Variants in KMT5B observed in about 807,000 individuals in gnomAD.
The protein encoded by KMT5B is lysine methyltransferase 5B.
KMT5B carries 10 observed loss-of-function variants against 83.2 expected under a neutral mutation model. That is an observed-to-expected ratio of 0.12 (90% confidence interval 0.07 to 0.20). KMT5B has a LOEUF of 0.20. Among genes scored for constraint, KMT5B ranks in the 10% least tolerant of loss-of-function variants. The pLI is 1.00. For missense variants in KMT5B, 753 were observed against 1,067.2 expected, an observed-to-expected ratio of 0.71 and a Z score of 4.10; for synonymous variants, 349 against 388.8, an observed-to-expected ratio of 0.90 and a Z score of 1.20.
intron 1 of KMT5B, among the ~76,000 whole-genome samples, chr11:68,198,616 G>T (rs545040653): frequency 1.3e-5 from 2 of 152,152 alleles, no homozygotes; most frequent in South Asian, 4.1e-4. Context: ...ATGTCCCCAT[G>T]GTCACGGTTT....
chr11:68,157,999 G>T lies in KMT5B; in HGVS notation c.2347C>A (p.Arg783=). ...SSTKLKIQLK[R]DEENRGSYTE... is the part of the protein sequence containing the mutation. Reference sequence around the variant, plus strand: ...TAAGACCCCCTATTTTCCTCATCTCGTTTTAGCTGGATTTTTAATTTTGTA... The same window carrying T: ...TAAGACCCCCTATTTTCCTCATCTCTTTTTAGCTGGATTTTTAATTTTGTA... The change falls in exon 11 of 11, where the codon CGA becomes AGA. Residue 783 remains arginine, a synonymous_variant. Transcript: ENST00000304363. 1 of 1,614,028 alleles carries T rather than the reference G, an allele frequency of 6.2e-7. No individual in the cohort carries two copies. The highest frequency in any genetic ancestry group is 8.5e-7 in the Non-Finnish European group (1 of 1,180,018).
At chr11:68,166,024 T>A in intron 10 of KMT5B, 2 of 1,610,884 alleles carry the variant, frequency 1.2e-6, no homozygotes, top group South Asian at 2.2e-5. Flanking sequence ...ATAATCAGTA[T>A]CTCAGAGGGC....
intron 3 of KMT5B, among the ~76,000 whole-genome samples, chr11:68,182,893 C>T (rs1196755050): frequency 1.3e-5 from 2 of 151,896 alleles, no homozygotes; most frequent in African/African-American, 2.4e-5. Context: ...TGTGCCACCA[C>T]GCCTGGCTAA....
intron 1 of KMT5B, among the ~76,000 whole-genome samples, chr11:68,208,220 G>A (rs1287235838): frequency 2.0e-5 from 3 of 151,718 alleles, no homozygotes; most frequent in South Asian, 2.1e-4. Flanking sequence ...AGGCCGAGGC[G>A]GGAGGGTCAC....
At chr11:68,183,157 A>G (rs1857109242) in intron 3 of KMT5B, among the ~76,000 whole-genome samples, 2 of 151,818 alleles carry the variant, frequency 1.3e-5, no homozygotes, top group Admixed American at 6.6e-5. Context: ...GACATTCTGA[A>G]TGCCACTAGA....
At chr11:68,177,781 G>A (rs1856521904) in intron 4 of KMT5B, among the ~76,000 whole-genome samples, 1 of 152,150 alleles carries the variant, frequency 6.6e-6, no homozygotes, top group African/African-American at 2.4e-5. Context: ...TTACTAGTCT[G>A]TCGACATATG....
At chr11:68,206,511 T>C (rs2153088986) in intron 1 of KMT5B, among the ~76,000 whole-genome samples, 2 of 152,262 alleles carry the variant, frequency 1.3e-5, no homozygotes, top group East Asian at 3.9e-4. Context: ...CGCACAGGGA[T>C]TAAGGATGTG....
At chr11:68,163,881 T>C (rs1378249615) in intron 10 of KMT5B, among the ~76,000 whole-genome samples, 1 of 152,176 alleles carries the variant, frequency 6.6e-6, no homozygotes, top group African/African-American at 2.4e-5. Flanking sequence ...AGCCTCTGCA[T>C]CTAGGACAGG....
At chr11:68,161,166 A>C (rs894602697) in intron 10 of KMT5B, among the ~76,000 whole-genome samples, 3 of 152,220 alleles carry the variant, frequency 2.0e-5, no homozygotes, top group Non-Finnish European at 4.4e-5. Context: ...TTTATTATCC[A>C]CTGGAACTAT....
chr11:68,212,864 G>A (rs1861112969), intron 1 of KMT5B: 1 of 150,772 alleles, frequency 6.6e-6, no homozygotes, highest in African/African-American at 2.4e-5. Flanking sequence ...CTCCCCTCGT[G>A]CGGCCGCGGG....
At chr11:68,165,001 AT>A (rs1367602094) in intron 10 of KMT5B, among the ~76,000 whole-genome samples, 1 of 152,244 alleles carries the variant, frequency 6.6e-6, no homozygotes. Flanking sequence ...TAATAGTTAA[AT>A]ATTAGTACAC....
intron 1 of KMT5B, among the ~76,000 whole-genome samples, chr11:68,207,169 G>A (rs919476377): frequency 2.6e-5 from 4 of 150,944 alleles, no homozygotes; most frequent in Non-Finnish European, 4.4e-5. Context: ...AGCCAAGATT[G>A]CGCCACTGCA....
Position 68,157,911 on chromosome 11 carries a change from C to G in KMT5B, c.2435G>C (p.Arg812Pro). The G allele has an allele frequency of 6.2e-7, 1 of 1,614,008 alleles. No homozygotes were observed. The change falls in exon 11 of 11, where the codon CGA (arginine) becomes CCA (proline). Residue 812 changes from arginine to proline, a missense_variant. By Grantham distance (103) the Arg-to-Pro change is moderately radical (BLOSUM62 -2). This residue lies in a region of KMT5B where 161 missense variants were observed against 195.1 expected (regional missense o/e 0.83). Transcript: ENST00000304363. Reference protein sequence around the residue: ...CSDPLSLLESRMEVDDYSQYE... With the variant: ...CSDPLSLLESPMEVDDYSQYE... ...CTGACTATAGTCATCCACCTCCATT[C>G]GAGACTCCAAGAGAGAAAGAGGATC...
Position 68,158,832 on chromosome 11 carries a change from G to T in KMT5B, c.1514C>A (p.Ala505Asp), listed in dbSNP as rs1196882521. The change falls in exon 11 of 11, where the codon GCC becomes GAC. Residue 505 changes from alanine (A) to aspartate (D), a missense_variant. Ala to Asp is a moderately radical substitution (Grantham distance 126). Around this residue, in one of 9 missense-constraint regions of KMT5B, gnomAD observed 397 missense variants for 395.9 expected, o/e 1.00. Coordinates refer to ENST00000304363, the MANE Select transcript of KMT5B (RefSeq NM_017635.5). ...EPEGPAQAAV[A>D]SGCLTRHAAR... ...CGCGTGTCTAGTCAAGCACCCGCTG[G>T]CAACTGCGGCTTGGGCTGGTCCCTC... 15 of 1,614,046 alleles carry T rather than the reference G, an allele frequency of 9.3e-6. No homozygotes were observed. In the Admixed American group the frequency reaches 2.5e-4, roughly 27 times the overall value.
intron 1 of KMT5B, among the ~76,000 whole-genome samples, chr11:68,207,522 G>A (rs919444998): frequency 6.6e-6 from 1 of 152,038 alleles, no homozygotes; most frequent in African/African-American, 2.4e-5. Context: ...GCCAGGCACG[G>A]TGGCTCACGC....
chr11:68,171,774 A>G lies in KMT5B; in HGVS notation c.654-65T>C. 1 of 1,278,562 alleles carries G rather than the reference A, an allele frequency of 7.8e-7. No individual in the cohort carries two copies. Among genetic ancestry groups the G allele is most frequent in the African/African-American group, 1.5e-5 (1 of 66,188 alleles). The allele number at this position is 1,278,562 out of a possible 1,614,324, so 79.2% of individuals were successfully genotyped here. On this transcript the variant is annotated intron_variant, in intron 6 of 10. Transcript: ENST00000304363. The surrounding 1 kb of genome is among the most constrained non-coding windows in gnomAD (Gnocchi z 5.1). ...TAAATATAGTAAGGCTTCTTTTAAT[A>G]AAATAATCCTGACAATAAATATCAG...
chr11:68,175,914 GTTTTT>G (rs397848049), intron 4 of KMT5B, among the ~76,000 whole-genome samples: 1 of 126,370 alleles, frequency 7.9e-6, no homozygotes. Context: ...GGGTAGAGTT[GTTTTT>G]TTTTTTTTTT....
chr11:68,182,786 G>A (rs1857067436), intron 3 of KMT5B, among the ~76,000 whole-genome samples: 2 of 151,366 alleles, frequency 1.3e-5, no homozygotes, highest in South Asian at 4.2e-4. Context: ...GCCCAGGCTG[G>A]AGTGCAGTGG....
In KMT5B at chr11:68,158,272, C is replaced by T. The variant is rs2153040244; in HGVS notation, c.2074G>A (p.Ala692Thr). ...SFKTKDSFRT[A>T]KSKKKRRITR... ...ATTCGCCTCTTCTTTTTACTTTTTG[C>T]AGTTCTAAAGCTGTCTTTTGTTTTG... The change falls in exon 11 of 11, where the codon GCA becomes ACA. Residue 692 changes from alanine (A) to threonine (T), a missense_variant. Around this residue, in one of 9 missense-constraint regions of KMT5B, gnomAD observed 397 missense variants for 395.9 expected, o/e 1.00. Transcript: ENST00000304363. 3.1e-6 allele frequency: 5 copies of T among 1,614,108 alleles called. No individual in the cohort carries two copies. The highest frequency in any genetic ancestry group is 4.2e-6 in the Non-Finnish European group (5 of 1,180,022).
Sources: gnomAD v4.1 joint callset for allele counts (sites outside exome capture counted in the v4.1 genomes callset) on GRCh38, gnomAD v4.1.1 for gene constraint, gnomAD v4.1.1 regional missense constraint, Gnocchi (gnomAD v3.1) non-coding constraint, MANE v1.5 for transcripts, NCBI Gene and HGNC (gene_info 2026-07-23, HGNC 2026-07-21) for gene names.